The following AKT3 variants were observed in gnomAD, a reference collection of about 807,000 sequenced individuals.
AKT3 encodes RAC-gamma serine/threonine-protein kinase.
Under a neutral mutation model 65.3 loss-of-function variants are expected in AKT3, and 15 were observed. The ratio of observed to expected loss-of-function variants is 0.23; its 90% CI spans 0.15 to 0.35. The LOEUF (loss-of-function observed/expected upper bound fraction) is 0.35, where lower values mean the gene tolerates loss of function less well. AKT3 is among the 10% of genes least tolerant of loss of function. The pLI, the probability that AKT3 is intolerant of heterozygous loss-of-function variation, is 1.00. For synonymous variants in AKT3, 206 were observed against 183.8 expected, an observed-to-expected ratio of 1.12 and a Z score of -0.98; for missense variants, 243 against 576.5, an observed-to-expected ratio of 0.42 and a Z score of 5.92.
intron 2 of AKT3, among the ~76,000 whole-genome samples, chr1:243,719,372 T>A (rs1686730643): frequency 6.6e-6 from 1 of 152,146 alleles, no homozygotes; most frequent in African/African-American, 2.4e-5. Context: ...TATCTTTTAT[T>A]CATCTCATCG....
At chr1:243,775,863 G>A (rs9428973) in intron 2 of AKT3, among the ~76,000 whole-genome samples, 7,858 of 152,028 alleles carry the variant, frequency 0.052, 678 homozygotes, top group African/African-American at 0.18. Context: ...TGAAAAACCC[G>A]ATCTATCAAT....
chr1:243,822,313 C>T (rs1341922458), intron 2 of AKT3, among the ~76,000 whole-genome samples: 1 of 152,148 alleles, frequency 6.6e-6, no homozygotes, highest in East Asian at 1.9e-4. Flanking sequence ...TAAATGACCA[C>T]ATCAAAATAC....
chr1:243,549,153 A>C (rs7549780), intron 11 of AKT3, among the ~76,000 whole-genome samples: 77,652 of 151,946 alleles, frequency 0.51, 23,888 homozygotes, highest in Non-Finnish European at 0.68. Context: ...GTTTCTTTTA[A>C]GCATTCATTC....
chr1:243,780,157 T>C (rs1465245627), intron 2 of AKT3, among the ~76,000 whole-genome samples: 2 of 152,028 alleles, frequency 1.3e-5, no homozygotes, highest in Non-Finnish European at 2.9e-5. Context: ...AAGATTCCTA[T>C]TAATTATAAA....
In AKT3 at chr1:243,836,679, G is replaced by A. The variant is rs139939741; in HGVS notation, c.46+6446C>T. On this transcript the variant is annotated intron_variant, in intron 2 of 13. Transcript: ENST00000673466. ...TAATCCCAGCACTTTGGAAGGCCAA[G>A]GCGGGTGGATCACCTGAGGTCAGGA... 5.1e-3 allele frequency among the ~76,000 whole-genome samples: 780 copies of A among 152,274 alleles called. 9 individuals are homozygous for A. The highest frequency in any genetic ancestry group is 0.018 in the African/African-American group (740 of 41,548).
chr1:243,841,575 G>C (rs569791658), intron 2 of AKT3, among the ~76,000 whole-genome samples: 1 of 152,098 alleles, frequency 6.6e-6, no homozygotes, highest in South Asian at 2.1e-4. Context: ...CAATACAAAT[G>C]GTCAGGCACA....
At chr1:243,780,595 T>C (rs1488845783) in intron 2 of AKT3, among the ~76,000 whole-genome samples, 3 of 150,900 alleles carry the variant, frequency 2.0e-5, no homozygotes, top group Admixed American at 2.0e-4. Context: ...TATATAAATA[T>C]ATTTAAAATA....
chr1:243,600,416 G>A (rs917245191), intron 8 of AKT3, among the ~76,000 whole-genome samples: 1 of 152,124 alleles, frequency 6.6e-6, no homozygotes, highest in Non-Finnish European at 1.5e-5. Flanking sequence ...TTATTCTAAA[G>A]TAAGTGTGTG....
intron 8 of AKT3, among the ~76,000 whole-genome samples, chr1:243,600,645 C>T (rs985470449): frequency 4.6e-5 from 7 of 152,006 alleles, no homozygotes; most frequent in Non-Finnish European, 8.8e-5. Flanking sequence ...TAGCAGTATA[C>T]ATTAAAATTA....
At chr1:243,792,053 T>C (rs1044858581) in intron 2 of AKT3, among the ~76,000 whole-genome samples, 1 of 152,212 alleles carries the variant, frequency 6.6e-6, no homozygotes, top group African/African-American at 2.4e-5. Context: ...TCAAAAACAT[T>C]TGATCTAGGG....
At chr1:243,547,234 A>G (rs1001706153) in intron 11 of AKT3, among the ~76,000 whole-genome samples, 2 of 152,224 alleles carry the variant, frequency 1.3e-5, no homozygotes, top group Non-Finnish European at 1.5e-5. Context: ...AAACCATTAT[A>G]TATTATGTCC....
chr1:243,774,781 C>T (rs543606327), intron 2 of AKT3, among the ~76,000 whole-genome samples: 2 of 152,260 alleles, frequency 1.3e-5, no homozygotes, highest in South Asian at 4.1e-4. Flanking sequence ...ATAAAATTCA[C>T]ATAAGGAAAA....
chr1:243,813,039 G>A (rs568303889), intron 2 of AKT3, among the ~76,000 whole-genome samples: 2 of 109,644 alleles, frequency 1.8e-5, no homozygotes, highest in East Asian at 3.2e-4. Context: ...GGGGTGGGGG[G>A]AGGGGGGAGG....
At chr1:243,665,545 A>T (rs1473221792) in intron 3 of AKT3, among the ~76,000 whole-genome samples, 1 of 152,192 alleles carries the variant, frequency 6.6e-6, no homozygotes, top group African/African-American at 2.4e-5. Context: ...GTCAACAAAC[A>T]TGAGCCTAAA....
intron 8 of AKT3, among the ~76,000 whole-genome samples, chr1:243,595,605 AT>A (rs564391921): frequency 3.3e-5 from 5 of 151,808 alleles, no homozygotes; most frequent in East Asian, 1.9e-4. Context: ...ATATTTTTCT[AT>A]TTTTTTTAAC....
chr1:243,768,174 A>T (rs985640656), intron 2 of AKT3, among the ~76,000 whole-genome samples: 9 of 150,570 alleles, frequency 6.0e-5, no homozygotes, highest in African/African-American at 2.2e-4. Context: ...TAATATATAT[A>T]TTTTATAACA....
intron 2 of AKT3, among the ~76,000 whole-genome samples, chr1:243,748,598 G>A (rs1000718114): frequency 2.6e-5 from 4 of 152,098 alleles, no homozygotes; most frequent in African/African-American, 9.7e-5. Context: ...TAGAATTTCA[G>A]AAAATGTTAA....
rs534084821 is a variant in AKT3 at position 243,500,479 on chromosome 1, G to A, written c.*4770C>T. 1 of 225,964 alleles carries A rather than the reference G, an allele frequency of 4.4e-6. No homozygotes were observed. The highest frequency in any genetic ancestry group is 6.4e-5 in the East Asian group (1 of 15,556). 14.0% of individuals were successfully genotyped at this position (225,964 alleles called of 1,614,324 possible). A position where few individuals can be genotyped will look rare whatever the true frequency, so the allele number is the denominator to read the frequency against. ...TTAGTGAAATTAGAAAATTTACTTA[G>A]AGTATATCAAATATCTGTACACAGA... On this transcript the variant is annotated 3_prime_UTR_variant, in exon 14 of 14. Transcript: ENST00000673466.
At chr1:243,579,902 C>A (rs1021282444) in intron 8 of AKT3, among the ~76,000 whole-genome samples, 1 of 151,978 alleles carries the variant, frequency 6.6e-6, no homozygotes, top group African/African-American at 2.4e-5. Flanking sequence ...TTAATTTTCA[C>A]CTCATAACAA....
Sources: gnomAD v4.1 joint callset for allele counts (sites outside exome capture counted in the v4.1 genomes callset) on GRCh38, gnomAD v4.1.1 for gene constraint, MANE v1.5 for transcripts, NCBI Gene and HGNC (gene_info 2026-07-23, HGNC 2026-07-21) for gene names.